ZNF90: variants seen among roughly 807,000 people sequenced by gnomAD.
The protein encoded by ZNF90 is zinc finger protein 90.
In ZNF90, 11 loss-of-function variants were observed where a neutral mutation model predicts 12.0. The observed-to-expected ratio is 0.92, with a 90% CI of 0.58 to 1.52. ZNF90 has a LOEUF of 1.52. Ranked by LOEUF, ZNF90 falls within the 40% of genes most tolerant of loss-of-function variation. The pLI, the probability that ZNF90 is intolerant of heterozygous loss-of-function variation, is 0.00. For synonymous variants in ZNF90, 232 were observed against 240.1 expected (o/e 0.97, Z 0.31); for missense variants, 765 against 711.5 (o/e 1.08, Z -0.86).
chr19:20,095,486 C>T (rs1555703151), intron 1 of ZNF90, among the ~76,000 whole-genome samples: 1 of 151,320 alleles, frequency 6.6e-6, no homozygotes, highest in Non-Finnish European at 1.5e-5. Flanking sequence ...GTAAAGGAGG[C>T]AAACCAAGAG....
chr19:20,095,666 A>T (rs1477286782), intron 1 of ZNF90, among the ~76,000 whole-genome samples: 4 of 152,000 alleles, frequency 2.6e-5, no homozygotes, highest in African/African-American at 9.7e-5. Flanking sequence ...TGCAGAAATA[A>T]GGGATTGGGG....
Position 20,104,240 on chromosome 19 carries a change from G to A in ZNF90, c.5G>A (p.Gly2Glu), listed in dbSNP as rs782357393. ...TGTGTGTATATGTGTGTTTTTCAGG[G>A]ACCATTGGAATTTAGAGATGTGGCC... M[G>E]PLEFRDVAIE... The change falls in exon 2 of 4, where the codon GGA (glycine) becomes GAA (glutamate). Residue 2 changes from glycine to glutamate, a missense_variant and splice_region_variant. Coordinates refer to ENST00000418063, the MANE Select transcript of ZNF90 (RefSeq NM_007138.2). 3.7e-6 allele frequency: 6 copies of A among 1,613,774 alleles called. No individual in the cohort carries two copies. The Admixed American group carries it at 5.0e-5, about 13-fold the overall frequency.
chr19:20,086,968 C>T (rs995076580), intron 1 of ZNF90: 1 of 152,202 alleles, frequency 6.6e-6, no homozygotes, highest in Admixed American at 6.5e-5. Flanking sequence ...GTTGCAAGCT[C>T]TAATATGTTC....
chr19:20,107,902 G>A (rs2089053497), intron 3 of ZNF90, among the ~76,000 whole-genome samples: 1 of 151,750 alleles, frequency 6.6e-6, no homozygotes, highest in African/African-American at 2.4e-5. Context: ...CTTTGCTGCA[G>A]GCAAAAAGGA....
chr19:20,106,044 C>CATTTTTTTTTTTTTTTTTTTTTTTTTTT (rs1555704366), intron 3 of ZNF90, among the ~76,000 whole-genome samples: 3 of 71,038 alleles, frequency 4.2e-5, no homozygotes, highest in African/African-American at 1.6e-4. Context: ...CTAATTTTTT[C>CATTTTTTTTTTTTTTTTTTTTTTTTTTT]TTTTTTTTTT....
chr19:20,119,619 A>C lies in ZNF90; in HGVS notation c.*259A>C. On this transcript the variant is annotated 3_prime_UTR_variant, in exon 4 of 4. Transcript: ENST00000418063. Reference sequence around the variant, plus strand: ...CAGCAAAGCCTATAACAAGTTCTCAATTCTTTTTTTTTTTTTTTAAGAAGG... The same window carrying C: ...CAGCAAAGCCTATAACAAGTTCTCACTTCTTTTTTTTTTTTTTTAAGAAGG... 3.0e-6 allele frequency: 1 copy of C among 333,390 alleles called. No homozygotes were observed. Among genetic ancestry groups the C allele is most frequent in the Non-Finnish European group, 5.3e-6 (1 of 187,348 alleles). The allele number at this position is 333,390 out of a possible 1,614,324, so 20.7% of individuals were successfully genotyped here.
At chr19:20,109,181 T>C (rs1555704764) in intron 3 of ZNF90, among the ~76,000 whole-genome samples, 1 of 152,240 alleles carries the variant, frequency 6.6e-6, no homozygotes, top group African/African-American at 2.4e-5. Flanking sequence ...CATATGTATG[T>C]GTGTTTATCT....
At chr19:20,085,293 T>C (rs1335802588) in intron 1 of ZNF90, among the ~76,000 whole-genome samples, 2 of 148,110 alleles carry the variant, frequency 1.4e-5, no homozygotes, top group Non-Finnish European at 1.5e-5. Context: ...GGAGTCTCGC[T>C]CTTTGGCCGA....
At position 20,113,681 on chromosome 19, in the gene ZNF90, C is replaced by T. The variant is rs143279264; in HGVS notation, c.227-4100C>T. 6.8e-3 allele frequency among the ~76,000 whole-genome samples: 1,027 copies of T among 151,886 alleles called. 5 individuals carry two copies. Among genetic ancestry groups the T allele is most frequent in the Non-Finnish European group, 0.012 (824 of 67,938 alleles). On this transcript the variant is annotated intron_variant, in intron 3 of 3. Transcript: ENST00000418063. ...GTCTGTACTAAAAATACAAAAAATT[C>T]GCCGGGCGTGTTGGCGGGCGCTTAT... is the stretch of plus-strand genomic sequence containing the variant.
intron 1 of ZNF90, among the ~76,000 whole-genome samples, chr19:20,102,186 G>A (rs1283541487): frequency 6.6e-6 from 1 of 152,124 alleles, no homozygotes; most frequent in East Asian, 1.9e-4. Flanking sequence ...CCTGTTCTTT[G>A]TTCTCTATTT....
intron 1 of ZNF90, among the ~76,000 whole-genome samples, chr19:20,103,888 T>G (rs2089009185): frequency 6.6e-6 from 1 of 152,138 alleles, no homozygotes; most frequent in Non-Finnish European, 1.5e-5. Flanking sequence ...GAGAGGTGCC[T>G]TCTAAGTCAC....
chr19:20,116,926 C>A (rs2089141289), intron 3 of ZNF90, among the ~76,000 whole-genome samples: 1 of 146,576 alleles, frequency 6.8e-6, no homozygotes, highest in South Asian at 2.1e-4. Context: ...TAACCAGTGT[C>A]TAAGAAGCAC....
At chr19:20,099,166 G>T (rs943395732) in intron 1 of ZNF90, among the ~76,000 whole-genome samples, 1 of 151,884 alleles carries the variant, frequency 6.6e-6, no homozygotes, top group African/African-American at 2.4e-5. Context: ...ATGAACAGAA[G>T]AAATATTATT....
At chr19:20,098,617 C>T (rs142101825) in intron 1 of ZNF90, among the ~76,000 whole-genome samples, 1 of 152,296 alleles carries the variant, frequency 6.6e-6, no homozygotes, top group Non-Finnish European at 1.5e-5. Context: ...GGAGCTCCAC[C>T]AAGGCAGTTC....
At chr19:20,105,342 A>G in intron 3 of ZNF90, 26 bp downstream of exon 3, 1 of 1,565,736 alleles carries the variant, frequency 6.4e-7, no homozygotes, top group Non-Finnish European at 8.7e-7. Context: ...AATGAATACA[A>G]CAGACAACAC....
chr19:20,110,386 C>A (rs1336936792), intron 3 of ZNF90, among the ~76,000 whole-genome samples: 8 of 152,084 alleles, frequency 5.3e-5, no homozygotes, highest in African/African-American at 1.9e-4. Context: ...TCAAGCAATT[C>A]TCCTGCTTCA....
chr19:20,119,532 A>G lies in ZNF90; in HGVS notation c.*172A>G. On this transcript the variant is annotated 3_prime_UTR_variant, in exon 4 of 4. Coordinates refer to ENST00000418063, the MANE Select transcript of ZNF90 (RefSeq NM_007138.2). ...AGAATGTGACAAATCATTTTAAGGA[A>G]GTTCTCAACCCTTACTACACATAAT... 7.7e-6 allele frequency: 5 copies of G among 652,608 alleles called. No homozygotes were observed. The highest frequency in any genetic ancestry group is 1.3e-5 in the Non-Finnish European group (5 of 391,304). The allele number at this position is 652,608 out of a possible 1,614,324, so 40.4% of individuals were successfully genotyped here.
chr19:20,118,495 A>G lies in ZNF90; in HGVS notation c.941A>G (p.Lys314Arg), dbSNP rs2089163110. 2 of 1,613,648 alleles carry G rather than the reference A, an allele frequency of 1.2e-6. No homozygotes were observed. Among genetic ancestry groups the G allele is most frequent in the South Asian group, 2.2e-5 (2 of 91,040 alleles). ...KISHTEEKPY[K>R]CEECGKAFKL... ...AGTCATACTGAAGAGAAACCCTACA[A>G]ATGTGAAGAATGTGGCAAAGCCTTC... is the stretch of plus-strand genomic sequence containing the variant. Residue 314 changes from lysine to arginine, a missense_variant, in exon 4 of 4, where the codon AAA becomes AGA. Physicochemically the swap from Lys to Arg is conservative, Grantham distance 26. Transcript: ENST00000418063.
chr19:20,079,115 C>CAAA (rs139573879), intron 1 of ZNF90, among the ~76,000 whole-genome samples: 74 of 68,728 alleles, frequency 1.1e-3, no homozygotes, highest in African/African-American at 3.1e-3. Context: ...GGAGAGTCCT[C>CAAA]AAAAAAAAAA....
Sources: allele counts gnomAD v4.1 joint callset (sites outside exome capture counted in the v4.1 genomes callset), GRCh38; gene constraint gnomAD v4.1.1; transcripts MANE v1.5; gene names NCBI Gene and HGNC (gene_info 2026-07-23, HGNC 2026-07-21).